Variants in PLBD1 observed in about 807,000 individuals in gnomAD.
PLBD1 encodes the protein phospholipase B domain containing 1.
Under a neutral mutation model 63.0 loss-of-function variants are expected in PLBD1, and 60 were observed. That is an observed-to-expected ratio of 0.95 (90% CI 0.77 to 1.18). PLBD1 has a LOEUF of 1.18. PLBD1 is among the 50% of genes most tolerant of loss of function. PLBD1 has a pLI of 0.00. For missense variants in PLBD1, 598 were observed against 677.9 expected (o/e 0.88, Z 1.31); for synonymous variants, 262 against 248.0 (o/e 1.06, Z -0.53).
At chr12:14,558,488 C>T (rs1350103367) in intron 1 of PLBD1, among the ~76,000 whole-genome samples, 2 of 152,046 alleles carry the variant, frequency 1.3e-5, no homozygotes, top group Admixed American at 6.5e-5. Flanking sequence ...TCACACATTC[C>T]CTTCCACCCT....
chr12:14,534,655 C>T (rs371845925), intron 6 of PLBD1, among the ~76,000 whole-genome samples: 38,123 of 151,320 alleles, frequency 0.25, 5,469 homozygotes, highest in Admixed American at 0.33. Context: ...GCCATTCTCT[C>T]GCCTCAGCCT....
intron 6 of PLBD1, among the ~76,000 whole-genome samples, chr12:14,532,109 G>A (rs148477692): frequency 0.013 from 2,022 of 152,142 alleles, 26 homozygotes; most frequent in Non-Finnish European, 0.019. Context: ...CCTCACCCAC[G>A]GGCACCAGTG....
chr12:14,557,132 A>G (rs1018129764), intron 1 of PLBD1, among the ~76,000 whole-genome samples: 1 of 152,106 alleles, frequency 6.6e-6, no homozygotes, highest in Non-Finnish European at 1.5e-5. Flanking sequence ...ACCACTCCAC[A>G]TGAGTCAAAA....
Position 14,511,285 on chromosome 12 carries a change from A to C in PLBD1, c.1161T>G (p.Ser387=). ...CTTTCCGTAGAACATCAGTTTGTTC[A>C]GAATATTCTACATATGTAGGAATTT... ...VEQIPTYVEY[S]EQTDVLRKGY... The change falls in exon 8 of 11, where the codon TCT becomes TCG. Residue 387 remains serine, a synonymous_variant. Coordinates refer to ENST00000240617, the MANE Select transcript of PLBD1 (RefSeq NM_024829.6). The C allele has an allele frequency of 6.2e-7, 1 of 1,601,314 alleles. No individual in the cohort carries two copies. Among genetic ancestry groups the C allele is most frequent in the Non-Finnish European group, 8.5e-7 (1 of 1,176,382 alleles).
chr12:14,558,914 A>T (rs1400627169), intron 1 of PLBD1, among the ~76,000 whole-genome samples: 1 of 152,210 alleles, frequency 6.6e-6, no homozygotes, highest in African/African-American at 2.4e-5. Flanking sequence ...GGTGAGAAAA[A>T]TGTCCTGCCA....
At chr12:14,529,097 A>G (rs1252214735) in intron 6 of PLBD1, among the ~76,000 whole-genome samples, 1 of 152,180 alleles carries the variant, frequency 6.6e-6, no homozygotes, top group Non-Finnish European at 1.5e-5. Context: ...TGGGAAACCA[A>G]GGCAGGAGGA....
chr12:14,509,705 A>T lies in PLBD1; in HGVS notation c.1186+1555T>A, dbSNP rs186025819. Among the ~76,000 whole-genome samples the T allele has an allele frequency of 1.0e-3, 158 of 152,258 alleles. 1 individual carries two copies. Among genetic ancestry groups the T allele is most frequent in the African/African-American group, 3.6e-3 (151 of 41,552 alleles). On this transcript the variant is annotated intron_variant, in intron 8 of 10. Transcript: ENST00000240617. ...TCCTGATCCCTAGGGTCCACACTTT[A>T]TCTCCGTTCTGTCCCTATTCATCTG... is the stretch of plus-strand genomic sequence containing the variant.
At chr12:14,562,288 G>A (rs936308624) in intron 1 of PLBD1, among the ~76,000 whole-genome samples, 6 of 151,758 alleles carry the variant, frequency 4.0e-5, no homozygotes, top group South Asian at 2.1e-4. Context: ...TGAAACTCCC[G>A]TCTCTACTTA....
chr12:14,553,353 C>T lies in PLBD1; in HGVS notation c.175G>A (p.Val59Ile), dbSNP rs148374735. ...TAGGCGTCCCCATTCTTGTCCATTACATTTTTGACTTGTACTGTCTTTTCA... is the reference window on the plus strand; with the variant it reads ...TAGGCGTCCCCATTCTTGTCCATTATATTTTTGACTTGTACTGTCTTTTCA... The part of the protein sequence containing the change: ...PAEKTVQVKN[V>I]MDKNGDAYGF... The change falls in exon 2 of 11, where the codon GTA becomes ATA. Residue 59 changes from valine (V) to isoleucine (I), a missense_variant. Transcript: ENST00000240617. The T allele has an allele frequency of 5.1e-5, 82 of 1,614,118 alleles. No homozygotes were observed. The highest frequency in any genetic ancestry group is 6.6e-5 in the Non-Finnish European group (78 of 1,180,056).
chr12:14,507,250 T>A, intron 8 of PLBD1, 132 bp from the exon 9 acceptor site: 1 of 705,096 alleles, frequency 1.4e-6, no homozygotes, highest in Non-Finnish European at 2.3e-6. Context: ...TACAAAATAA[T>A]GTACAGAAAA....
intron 1 of PLBD1, 131 bp from the exon 2 acceptor site, chr12:14,553,543 C>T (rs564119659): frequency 1.3e-5 from 10 of 778,222 alleles, no homozygotes; most frequent in Middle Eastern, 3.0e-4. Flanking sequence ...GGAAATCTGC[C>T]GTTACAGTTT....
intron 1 of PLBD1, among the ~76,000 whole-genome samples, chr12:14,554,652 T>A (rs984750025): frequency 2.6e-5 from 4 of 152,006 alleles, no homozygotes; most frequent in Non-Finnish European, 5.9e-5. Flanking sequence ...CAGTCTGCTC[T>A]CCACCTCCAG....
At position 14,511,577 on chromosome 12, in the gene PLBD1, G is replaced by C; in HGVS notation, c.979C>G (p.Arg327Gly). The C allele has an allele frequency of 6.2e-7, 1 of 1,614,100 alleles. No homozygotes were observed. The highest frequency in any genetic ancestry group is 1.1e-5 in the South Asian group (1 of 91,068). Residue 327 changes from arginine to glycine, a missense_variant, in exon 7 of 11, where the codon CGT (arginine) becomes GGT (glycine). By Grantham distance (125) the Arg-to-Gly change is moderately radical (BLOSUM62 -2). Transcript: ENST00000240617. Reference sequence around the variant, plus strand: ...CTATCTGCCATCATATTGGCCACACGGACTCTTTGCCAGGACAGGAGAGTC... The same window carrying C: ...CTATCTGCCATCATATTGGCCACACCGACTCTTTGCCAGGACAGGAGAGTC... ...PETLLSWQRV[R>G]VANMMADSGK...
chr12:14,544,811 C>T (rs570448647), intron 2 of PLBD1, among the ~76,000 whole-genome samples: 1 of 152,160 alleles, frequency 6.6e-6, no homozygotes, highest in African/African-American at 2.4e-5. Context: ...CTTCTTACTT[C>T]TTATTCCTTG....
At chr12:14,561,540 G>A (rs1313724845) in intron 1 of PLBD1, among the ~76,000 whole-genome samples, 1 of 151,968 alleles carries the variant, frequency 6.6e-6, no homozygotes, top group Non-Finnish European at 1.5e-5. Flanking sequence ...TGGATTACGT[G>A]GCCACCTGGA....
chr12:14,542,095 A>T, intron 3 of PLBD1, 113 bp downstream of exon 3: 1 of 795,042 alleles, frequency 1.3e-6, no homozygotes, highest in African/African-American at 1.7e-5. Flanking sequence ...GAATAACTCT[A>T]GAGTCCTGCT....
Position 14,503,720 on chromosome 12 carries a change from A to G in PLBD1, c.*52T>C. 2 of 1,468,494 alleles carry G rather than the reference A, an allele frequency of 1.4e-6. No individual in the cohort carries two copies. Among genetic ancestry groups the G allele is most frequent in the South Asian group, 1.2e-5 (1 of 82,534 alleles). The allele number at this position is 1,468,494 out of a possible 1,614,324, so 91.0% of individuals were successfully genotyped here. A position where few individuals can be genotyped will look rare whatever the true frequency, so the allele number is the denominator to read the frequency against. ...TTCTGATGGGAAAAACATAGCTAAA[A>G]TAGTGCCTTTGGTATCTTATTTACA... On this transcript the variant is annotated 3_prime_UTR_variant, in exon 11 of 11. Transcript: ENST00000240617.
At position 14,547,180 on chromosome 12, in the gene PLBD1, T is replaced by TTGTGTGTGTGTG. The variant is rs56182227; in HGVS notation, c.336-4901_336-4890dup. ...CAGGTGTGAGCCACTGCACCTGGCT[T>TTGTGTGTGTGTG]TGTGTGTGTGTGTGTGTGTGTGTGT... On this transcript the variant is annotated intron_variant, in intron 2 of 10. Coordinates refer to ENST00000240617, the MANE Select transcript of PLBD1 (RefSeq NM_024829.6). Among the ~76,000 whole-genome samples, 582 of 138,204 alleles carry TTGTGTGTGTGTG rather than the reference T, an allele frequency of 4.2e-3. 1 individual carries two copies. The highest frequency in any genetic ancestry group is 0.011 in the East Asian group (49 of 4,518). The allele number at this position is 138,204 out of a possible 152,430, so 90.7% of individuals were successfully genotyped here. A position where few individuals can be genotyped will look rare whatever the true frequency, so the allele number is the denominator to read the frequency against.
intron 6 of PLBD1, among the ~76,000 whole-genome samples, chr12:14,512,888 AC>A (rs1288611540): frequency 6.6e-5 from 10 of 152,116 alleles, no homozygotes; most frequent in Non-Finnish European, 1.3e-4. Flanking sequence ...CGAGAAACAG[AC>A]CCTCATTAGA....
Sources: allele counts gnomAD v4.1 joint callset (sites outside exome capture counted in the v4.1 genomes callset), GRCh38; gene constraint gnomAD v4.1.1; transcripts MANE v1.5; gene names NCBI Gene and HGNC (gene_info 2026-07-23, HGNC 2026-07-21).